RTN4RL1: variants seen among roughly 807,000 people sequenced by gnomAD.
RTN4RL1 encodes the protein reticulon 4 receptor like 1, also known as reticulon-4 receptor-like 1.
RTN4RL1 carries 7 observed loss-of-function variants against 25.6 expected under a neutral mutation model. That is an observed-to-expected ratio of 0.27 (90% CI 0.16 to 0.51). RTN4RL1 has a LOEUF of 0.51. RTN4RL1 is among the 20% of genes least tolerant of loss of function. The pLI is 0.97. For missense variants in RTN4RL1, 500 were observed against 615.6 expected, an observed-to-expected ratio of 0.81 and a Z score of 1.99; for synonymous variants, 297 against 288.2, an observed-to-expected ratio of 1.03 and a Z score of -0.31.
rs1299891356 is a variant in RTN4RL1, at chr17:2,009,584, TC to T, written c.13+15268del. Among the ~76,000 whole-genome samples, 6 of 103,090 alleles carry T rather than the reference TC, an allele frequency of 5.8e-5. 1 individual carries two copies. The highest frequency in any genetic ancestry group is 2.2e-4 in the Admixed American group (2 of 9,118). 67.6% of individuals were successfully genotyped at this position (103,090 alleles called of 152,430 possible). On this transcript the variant is annotated intron_variant, in intron 1 of 1. Coordinates refer to ENST00000331238, the MANE Select transcript of RTN4RL1 (RefSeq NM_178568.4). ...TCCAGCCTGGGCGACAGAGCAAGAC[TC>T]CGTCTCAAAAAAAAAAAAAAAAGGC...
At chr17:1,960,258 C>T (rs1215346412) in intron 1 of RTN4RL1, among the ~76,000 whole-genome samples, 1 of 137,962 alleles carries the variant, frequency 7.2e-6, no homozygotes, top group Non-Finnish European at 1.5e-5. Flanking sequence ...CCTCACTGGT[C>T]TCCCTGTTTA....
intron 1 of RTN4RL1, among the ~76,000 whole-genome samples, chr17:1,955,141 C>T (rs1257796166): frequency 6.6e-6 from 1 of 152,168 alleles, no homozygotes; most frequent in African/African-American, 2.4e-5. Context: ...AGTCTGTGAC[C>T]TCAGGCCCAG....
Position 1,936,393 on chromosome 17 carries a change from T to C in RTN4RL1, c.*103A>G. The C allele has an allele frequency of 6.9e-7, 1 of 1,451,672 alleles. No individual in the cohort carries two copies. The highest frequency in any genetic ancestry group is 9.0e-7 in the Non-Finnish European group (1 of 1,108,694). 89.9% of individuals were successfully genotyped at this position (1,451,672 alleles called of 1,614,324 possible). A position where few individuals can be genotyped will look rare whatever the true frequency, so the allele number is the denominator to read the frequency against. ...CAGCAGCCGAAGGCTCTACCAGCCT[T>C]TTCCTGAAACCCAGCAGATCTTCCA... On this transcript the variant is annotated 3_prime_UTR_variant, in exon 2 of 2. Coordinates refer to ENST00000331238, the MANE Select transcript of RTN4RL1 (RefSeq NM_178568.4).
intron 1 of RTN4RL1, among the ~76,000 whole-genome samples, chr17:1,965,634 G>C (rs1217356545): frequency 6.6e-6 from 1 of 152,024 alleles, no homozygotes; most frequent in Non-Finnish European, 1.5e-5. Context: ...GCCCCGAATG[G>C]GTCTGGGCGA....
chr17:1,939,840 C>A (rs1400839635), intron 1 of RTN4RL1, among the ~76,000 whole-genome samples: 1 of 152,162 alleles, frequency 6.6e-6, no homozygotes, highest in East Asian at 1.9e-4. Context: ...AGGCCCCCAC[C>A]CTGGAGGGCC....
rs1355844566 is a variant in RTN4RL1 at position 1,937,646 on chromosome 17, A to G, written c.176T>C (p.Val59Ala). The G allele has an allele frequency of 9.3e-6, 15 of 1,613,862 alleles. No individual in the cohort carries two copies. Among genetic ancestry groups the G allele is most frequent in the African/African-American group, 1.3e-5 (1 of 75,034 alleles). ...PEGIPVDSER[V>A]FLQNNRIGLL... is the part of the protein sequence containing the mutation. ...GCCGATGCGGTTGTTCTGCAGGAAG[A>G]CGCGCTCGCTGTCCACGGGGATGCC... is the stretch of plus-strand genomic sequence containing the variant. Residue 59 changes from valine to alanine, a missense_variant, in exon 2 of 2, where the codon GTC becomes GCC. Physicochemically the swap from Val to Ala is moderately conservative, Grantham distance 64 (BLOSUM62 0). This residue lies in a region of RTN4RL1 where 232 missense variants were observed against 341.1 expected (regional missense o/e 0.68). Transcript: ENST00000331238.
chr17:1,950,237 A>G (rs1371307038), intron 1 of RTN4RL1, among the ~76,000 whole-genome samples: 1 of 152,136 alleles, frequency 6.6e-6, no homozygotes, highest in Non-Finnish European at 1.5e-5. Flanking sequence ...GGAGACAGAC[A>G]GTGCTGAATG....
At chr17:2,021,342 C>G (rs992807818) in intron 1 of RTN4RL1, among the ~76,000 whole-genome samples, 152 of 152,260 alleles carry the variant, frequency 1.0e-3, no homozygotes, top group African/African-American at 3.4e-3. Flanking sequence ...TTATCAAGAC[C>G]ATGAGCCCTG....
intron 1 of RTN4RL1, among the ~76,000 whole-genome samples, chr17:1,955,644 C>T (rs553354246): frequency 6.6e-6 from 1 of 151,478 alleles, no homozygotes; most frequent in East Asian, 2.0e-4. Flanking sequence ...AGTGCAGTGG[C>T]GCGATCTCGG....
Position 1,935,472 on chromosome 17 carries a change from T to C in RTN4RL1, c.*1024A>G, listed in dbSNP as rs1420093449. The C allele has an allele frequency of 1.2e-6, 1 of 849,044 alleles. No individual in the cohort carries two copies. The highest frequency in any genetic ancestry group is 1.4e-6 in the Non-Finnish European group (1 of 705,344). 52.6% of individuals were successfully genotyped at this position (849,044 alleles called of 1,614,324 possible). A position where few individuals can be genotyped will look rare whatever the true frequency, so the allele number is the denominator to read the frequency against. ...AATATTGGTCCCCCAAAGTGACTCT[T>C]GCTGCCTCCCCCTTCCTCACCGTCC... On this transcript the variant is annotated 3_prime_UTR_variant, in exon 2 of 2. Transcript: ENST00000331238.
chr17:1,996,069 G>A (rs1488922468), intron 1 of RTN4RL1, among the ~76,000 whole-genome samples: 1 of 152,208 alleles, frequency 6.6e-6, no homozygotes, highest in Non-Finnish European at 1.5e-5. Context: ...CAGGCTGCCT[G>A]GCAGGAGAAG....
intron 1 of RTN4RL1, among the ~76,000 whole-genome samples, chr17:2,005,739 T>TTCTCTCTCTCTCTCTCTCTCTC (rs61209329): frequency 6.9e-6 from 1 of 145,128 alleles, no homozygotes; most frequent in African/African-American, 2.6e-5. Context: ...CTCTCTCTCT[T>TTCTCTCTCTCTCTCTCTCTCTC]TCTCTCTCTC....
In RTN4RL1 at chr17:1,937,543, G is replaced by A. The variant is rs1472271305; in HGVS notation, c.279C>T (p.Pro93=). The change falls in exon 2 of 2, where the codon CCC becomes CCT. Residue 93 remains proline (P), a synonymous_variant. Transcript: ENST00000331238. ...GGTGCACGAAGCCCTCGAAGGTGCTGGGGTGGATGTAGGTGATGTTGTTCG... is the reference window on the plus strand; with the variant it reads ...GGTGCACGAAGCCCTCGAAGGTGCTAGGGTGGATGTAGGTGATGTTGTTCG... ...IYSNNITYIH[P]STFEGFVHLE... The A allele has an allele frequency of 6.2e-7, 1 of 1,614,018 alleles. No homozygotes were observed. Among genetic ancestry groups the A allele is most frequent in the South Asian group, 1.1e-5 (1 of 91,080 alleles).
In RTN4RL1 at chr17:1,935,511, C is replaced by A; in HGVS notation, c.*985G>T. 1.0e-6 allele frequency: 1 copy of A among 984,516 alleles called. No homozygotes were observed. The highest frequency in any genetic ancestry group is 1.2e-6 in the Non-Finnish European group (1 of 828,850). The allele number at this position is 984,516 out of a possible 1,614,324, so 61.0% of individuals were successfully genotyped here. A position where few individuals can be genotyped will look rare whatever the true frequency, so the allele number is the denominator to read the frequency against. On this transcript the variant is annotated 3_prime_UTR_variant, in exon 2 of 2. Coordinates refer to ENST00000331238, the MANE Select transcript of RTN4RL1 (RefSeq NM_178568.4). ...TCCTCACCGTCCCGCCGACACCTTG[C>A]CCCAGGCCCTTGGCAAGGCCAGGTC...
chr17:2,002,330 T>C (rs1464822794), intron 1 of RTN4RL1, among the ~76,000 whole-genome samples: 1 of 150,902 alleles, frequency 6.6e-6, no homozygotes, highest in African/African-American at 2.4e-5. Context: ...TCTTGCTCTG[T>C]CGCCCAGGCT....
At chr17:1,943,591 C>T (rs1055480380) in intron 1 of RTN4RL1, among the ~76,000 whole-genome samples, 1 of 152,214 alleles carries the variant, frequency 6.6e-6, no homozygotes, top group Non-Finnish European at 1.5e-5. Flanking sequence ...CTATGCCAGT[C>T]GATGCTAACC....
chr17:2,022,354 G>A (rs1207047084), intron 1 of RTN4RL1, among the ~76,000 whole-genome samples: 1 of 151,936 alleles, frequency 6.6e-6, no homozygotes, highest in Non-Finnish European at 1.5e-5. Context: ...GTCCCACTCT[G>A]TTGCCCGAGC....
rs1340653930 is a variant in RTN4RL1 at position 1,937,070 on chromosome 17, C to T, written c.752G>A (p.Arg251His). 4.4e-6 allele frequency: 7 copies of T among 1,605,244 alleles called. No homozygotes were observed. The highest frequency in any genetic ancestry group is 5.9e-6 in the Non-Finnish European group (7 of 1,177,380). Residue 251 changes from arginine to histidine, a missense_variant, in exon 2 of 2, where the codon CGC (arginine) becomes CAC (histidine). Arg to His is a conservative substitution (Grantham distance 29, BLOSUM62 0). This residue lies in a region of RTN4RL1 where 232 missense variants were observed against 341.1 expected (regional missense o/e 0.68). Coordinates refer to ENST00000331238, the MANE Select transcript of RTN4RL1 (RefSeq NM_178568.4). ...LAPLGALEFL[R>H]LNGNPWDCGC... ...ACAGTCCCAGGGGTTGCCGTTGAGG[C>T]GGAGGAACTCCAGGGCCCCCAGCGG...
intron 1 of RTN4RL1, chr17:2,023,596 C>T (rs1192458551): frequency 1.3e-5 from 2 of 152,338 alleles, no homozygotes; most frequent in Non-Finnish European, 2.9e-5. Context: ...CCTGCCTGAC[C>T]TGCTTATATC....
Sources: gnomAD v4.1 joint callset for allele counts (sites outside exome capture counted in the v4.1 genomes callset) on GRCh38, gnomAD v4.1.1 for gene constraint, gnomAD v4.1.1 regional missense constraint, MANE v1.5 for transcripts, NCBI Gene and HGNC (gene_info 2026-07-23, HGNC 2026-07-21) for gene names.